TMEM269: variants seen among roughly 807,000 people sequenced by gnomAD.
The protein encoded by TMEM269 is transmembrane protein 269.
Under a neutral mutation model 15.8 loss-of-function variants are expected in TMEM269, and 12 were observed. The ratio of observed to expected loss-of-function variants is 0.76; its 90% CI spans 0.49 to 1.23. The LOEUF is 1.23. TMEM269 is among the 50% of genes most tolerant of loss of function. The probability of loss-of-function intolerance (pLI) is 0.00; values close to 1 mark genes in which losing one functional copy is unlikely to be tolerated. For synonymous variants in TMEM269, 93 were observed against 99.3 expected, an observed-to-expected ratio of 0.94 and a Z score of 0.38; for missense variants, 211 against 245.4, an observed-to-expected ratio of 0.86 and a Z score of 0.94.
chr1:42,789,267 G>A, intron 1 of TMEM269: 1 of 601,754 alleles, frequency 1.7e-6, no homozygotes. Context: ...GTGGGAAGTA[G>A]GCCTGCTGTT....
intron 1 of TMEM269, among the ~76,000 whole-genome samples, chr1:42,786,089 A>G (rs1653538218): frequency 6.6e-6 from 1 of 152,210 alleles, no homozygotes; most frequent in Non-Finnish European, 1.5e-5. Flanking sequence ...GTTGCTGGGT[A>G]TGCGGAAGGG....
chr1:42,787,456 C>T (rs1447586601), intron 1 of TMEM269, among the ~76,000 whole-genome samples: 10 of 151,216 alleles, frequency 6.6e-5, no homozygotes, highest in African/African-American at 4.9e-5. Flanking sequence ...AAAAATTAGC[C>T]GGGCGCGGTG....
rs1653756833 is a variant in TMEM269, at chr1:42,794,473, C to T, written c.344C>T (p.Thr115Ile). The T allele has an allele frequency of 1.3e-6, 2 of 1,550,694 alleles. No homozygotes were observed. The highest frequency in any genetic ancestry group is 2.4e-5 in the East Asian group (1 of 40,922). ...TATGCTTCCTGCATCTTGGCTTCCA[C>T]CTCCCTTCTGACCAAAGGCAACAGG... The part of the protein sequence containing the change: ...CPYASCILAS[T>I]SLLTKGNRFI... The change falls in exon 5 of 6, where the codon ACC (threonine) becomes ATC (isoleucine). Residue 115 changes from threonine (T) to isoleucine (I), a missense_variant. Thr to Ile is a moderately conservative substitution (Grantham distance 89). Transcript: ENST00000637012.
chr1:42,799,716 A>G lies in TMEM269; in HGVS notation c.*1491A>G, dbSNP rs1653855902. The G allele has an allele frequency of 6.6e-6, 1 of 152,246 alleles. No individual in the cohort carries two copies. The highest frequency in any genetic ancestry group is 2.4e-5 in the African/African-American group (1 of 41,458). The allele number at this position is 152,246 out of a possible 1,614,324, so 9.4% of individuals were successfully genotyped here. A position where few individuals can be genotyped will look rare whatever the true frequency, so the allele number is the denominator to read the frequency against. The stretch of plus-strand genomic sequence containing the variant: ...CTATAATGTGGTAAGAATTTTACAA[A>G]TATACACGAGCTTAGACATTTCAAT... On this transcript the variant is annotated 3_prime_UTR_variant, in exon 6 of 6. Transcript: ENST00000637012.
Position 42,789,796 on chromosome 1 carries a change from G to A in TMEM269, c.-98G>A. 3 of 1,494,474 alleles carry A rather than the reference G, an allele frequency of 2.0e-6. No homozygotes were observed. The highest frequency in any genetic ancestry group is 2.7e-6 in the Non-Finnish European group (3 of 1,095,652). 92.6% of individuals were successfully genotyped at this position (1,494,474 alleles called of 1,614,324 possible). ...TTCGCCCCTCTCTCTTGGGCCCCAG[G>A]TAAGGGTACCAGTTTCTTCCTGAGC... On this transcript the variant is annotated splice_region_variant and 5_prime_UTR_variant, in exon 2 of 6. Coordinates refer to ENST00000637012, the MANE Select transcript of TMEM269 (RefSeq NM_001354602.2).
intron 1 of TMEM269, among the ~76,000 whole-genome samples, chr1:42,787,003 A>G (rs977039775): frequency 6.6e-6 from 1 of 152,188 alleles, no homozygotes; most frequent in African/African-American, 2.4e-5. Context: ...CAGTTTCCCC[A>G]TCTGTAAGAT....
chr1:42,789,283 T>C, intron 1 of TMEM269: 1 of 635,314 alleles, frequency 1.6e-6, no homozygotes, highest in Admixed American at 2.6e-5. Flanking sequence ...CTGTTCTGAC[T>C]GGGGCCTGTC....
intron 1 of TMEM269, among the ~76,000 whole-genome samples, chr1:42,786,434 A>G (rs1048401230): frequency 6.6e-6 from 1 of 152,196 alleles, no homozygotes; most frequent in African/African-American, 2.4e-5. Flanking sequence ...GGGGCTTCCC[A>G]AAGAGGAGCA....
chr1:42,790,426 G>A (rs1375013981), intron 2 of TMEM269, among the ~76,000 whole-genome samples: 1 of 152,048 alleles, frequency 6.6e-6, no homozygotes, highest in African/African-American at 2.4e-5. Flanking sequence ...ATAACCATCA[G>A]TAAGTGACTT....
In TMEM269 at chr1:42,793,671, T is replaced by G; in HGVS notation, c.210T>G (p.Asp70Glu). The change falls in exon 4 of 6, where the codon GAT becomes GAG. Residue 70 changes from aspartate to glutamate, a missense_variant. Physicochemically the swap from Asp to Glu is conservative, Grantham distance 45. Transcript: ENST00000637012. ...CCTCCGCTCTGCTCCTAGGCGTGGA[T>G]GGACTTCTGAGTGGGATCCTGGCCA... is the stretch of plus-strand genomic sequence containing the variant. ...GLASALLLGV[D>E]GLLSGILAII... 1.9e-6 allele frequency: 3 copies of G among 1,550,616 alleles called. No homozygotes were observed. In the South Asian group the frequency reaches 3.6e-5, roughly 18 times the overall value.
chr1:42,793,806 G>A (rs1653745744), intron 4 of TMEM269, 62 bp downstream of exon 4: 9 of 1,500,420 alleles, frequency 6.0e-6, no homozygotes, highest in East Asian at 5.0e-5. Context: ...GGGGGCTGTC[G>A]GGTGCCAGAA....
intron 5 of TMEM269, among the ~76,000 whole-genome samples, chr1:42,796,301 C>T (rs1653790432): frequency 6.6e-6 from 1 of 152,170 alleles, no homozygotes; most frequent in African/African-American, 2.4e-5. Flanking sequence ...TACTTGGCCT[C>T]AGCCTTCCTC....
At chr1:42,790,392 A>T (rs1428806308) in intron 2 of TMEM269, among the ~76,000 whole-genome samples, 1 of 152,082 alleles carries the variant, frequency 6.6e-6, no homozygotes, top group Non-Finnish European at 1.5e-5. Flanking sequence ...TGCGGGTAAC[A>T]TCTCCTAATC....
Position 42,794,417 on chromosome 1 carries a change from C to T in TMEM269, c.288C>T (p.Val96=). The T allele has an allele frequency of 6.5e-7, 1 of 1,550,176 alleles. No homozygotes were observed. The highest frequency in any genetic ancestry group is 8.7e-7 in the Non-Finnish European group (1 of 1,146,702). Reference sequence around the variant, plus strand: ...CTCCAGCGTTCTTCCTGGCAGGAGTCCCCTCCACATACAAGGGTCTACCCT... The same window carrying T: ...CTCCAGCGTTCTTCCTGGCAGGAGTTCCCTCCACATACAAGGGTCTACCCT... ...SFHLCFYSPG[V]PSTYKGLPCP... Residue 96 remains valine, a synonymous_variant, in exon 5 of 6, where the codon GTC becomes GTT. Coordinates refer to ENST00000637012, the MANE Select transcript of TMEM269 (RefSeq NM_001354602.2).
In TMEM269 at chr1:42,798,209, T is replaced by G. The variant is rs943097783; in HGVS notation, c.596T>G (p.Leu199Arg). 1.3e-6 allele frequency: 2 copies of G among 1,547,228 alleles called. No individual in the cohort carries two copies. The highest frequency in any genetic ancestry group is 1.7e-6 in the Non-Finnish European group (2 of 1,147,008). Reference sequence around the variant, plus strand: ...GCTCTGTGGGGCAAGGCAGCCTGTCTTTCGCCACAGCACTGAGGAAGCTAA... The same window carrying G: ...GCTCTGTGGGGCAAGGCAGCCTGTCGTTCGCCACAGCACTGAGGAAGCTAA... ...PDALWGKAAC[L>R]SPQH Residue 199 changes from leucine (L) to arginine (R), a missense_variant, in exon 6 of 6, where the codon CTT becomes CGT. Coordinates refer to ENST00000637012, the MANE Select transcript of TMEM269 (RefSeq NM_001354602.2).
At chr1:42,795,268 T>C (rs1367105745) in intron 5 of TMEM269, among the ~76,000 whole-genome samples, 1 of 152,090 alleles carries the variant, frequency 6.6e-6, no homozygotes, top group Non-Finnish European at 1.5e-5. Context: ...CTGGACACAT[T>C]AGTGGAGCAA....
In TMEM269 at chr1:42,800,115, G is replaced by A. The variant is rs1264460492; in HGVS notation, c.*1890G>A. 1.3e-5 allele frequency: 2 copies of A among 152,150 alleles called. No homozygotes were observed. The allele number at this position is 152,150 out of a possible 1,614,324, so 9.4% of individuals were successfully genotyped here. ...GAGAGAAATATACAGACCCCCAGGAGGACAGCTTTGAAAAGTAAAATGCCC... is the reference window on the plus strand; with the variant it reads ...GAGAGAAATATACAGACCCCCAGGAAGACAGCTTTGAAAAGTAAAATGCCC... On this transcript the variant is annotated 3_prime_UTR_variant, in exon 6 of 6. Coordinates refer to ENST00000637012, the MANE Select transcript of TMEM269 (RefSeq NM_001354602.2).
At chr1:42,795,654 G>A (rs1299490194) in intron 5 of TMEM269, among the ~76,000 whole-genome samples, 1 of 152,174 alleles carries the variant, frequency 6.6e-6, no homozygotes, top group Non-Finnish European at 1.5e-5. Context: ...TGGGCTCCAG[G>A]CCCTGAGTTC....
intron 4 of TMEM269, 51 bp downstream of exon 4, chr1:42,793,795 G>C (rs1165639738): frequency 2.0e-6 from 3 of 1,520,442 alleles, no homozygotes; most frequent in Non-Finnish European, 2.6e-6. Flanking sequence ...AGCACAGAAC[G>C]GGGGGCTGTC....
Sources: gnomAD v4.1 joint callset for allele counts (sites outside exome capture counted in the v4.1 genomes callset) on GRCh38, gnomAD v4.1.1 for gene constraint, MANE v1.5 for transcripts, NCBI Gene and HGNC (gene_info 2026-07-23, HGNC 2026-07-21) for gene names.